VASN: variants seen among roughly 807,000 people sequenced by gnomAD.
VASN encodes the protein vasorin, also known as protein slit-like 2.
A neutral mutation model predicts 4.8 loss-of-function variants in VASN; 5 were observed. The ratio of observed to expected loss-of-function variants is 1.03; its 90% CI spans 0.54 to 2.17. VASN has a LOEUF of 2.17. Among genes scored for constraint, VASN ranks in the 30% most tolerant of loss-of-function variants. VASN has a pLI of 0.01. For missense variants in VASN, 927 were observed against 948.8 expected (o/e 0.98, Z 0.30); for synonymous variants, 499 against 460.8 (o/e 1.08, Z -1.06).
intron 1 of VASN, among the ~76,000 whole-genome samples, chr16:4,373,068 G>A (rs1323275566): frequency 6.6e-6 from 1 of 152,116 alleles, no homozygotes; most frequent in Non-Finnish European, 1.5e-5. Flanking sequence ...GGTCCATTAG[G>A]GCCAGTCCAG....
chr16:4,372,743 A>G (rs73507272), intron 1 of VASN, among the ~76,000 whole-genome samples: 14,161 of 152,166 alleles, frequency 0.093, 1,247 homozygotes, highest in African/African-American at 0.23. Context: ...ATTGGTGCCA[A>G]CCATTCTGCC....
intron 1 of VASN, among the ~76,000 whole-genome samples, chr16:4,375,529 C>A (rs1403697337): frequency 6.6e-6 from 1 of 152,196 alleles, no homozygotes; most frequent in Admixed American, 6.5e-5. Context: ...GCTCTGTCAC[C>A]CAGGCTGGAG....
Position 4,381,532 on chromosome 16 carries a change from C to A in VASN, c.655C>A (p.His219Asn), listed in dbSNP as rs1043490243. 2 of 1,603,552 alleles carry A rather than the reference C, an allele frequency of 1.2e-6. No homozygotes were observed. The highest frequency in any genetic ancestry group is 1.7e-6 in the Non-Finnish European group (2 of 1,176,072). The change falls in exon 2 of 2, where the codon CAC becomes AAC. Residue 219 changes from histidine to asparagine, a missense_variant. His to Asn is a moderately conservative substitution (Grantham distance 68, BLOSUM62 1). Transcript: ENST00000304735. ...EGLFSRLRNL[H>N]DLDVSDNQLE... ...GCTCTTCAGCCGCTTGCGCAACCTC[C>A]ACGACCTGGATGTGTCCGACAACCA...
rs575571832 is a variant in VASN, at chr16:4,379,453, G to A, written c.-9-1416G>A. Among the ~76,000 whole-genome samples, 396 of 152,110 alleles carry A rather than the reference G, an allele frequency of 2.6e-3. 5 individuals carry two copies. The highest frequency in any genetic ancestry group is 9.0e-3 in the African/African-American group (374 of 41,486). The stretch of plus-strand genomic sequence containing the variant: ...CCTGGAGCGGCTGGTGGGAGCCCCC[G>A]CCCCCAGGGCCATCTGGAGGGCACG... On this transcript the variant is annotated intron_variant, in intron 1 of 1. Coordinates refer to ENST00000304735, the MANE Select transcript of VASN (RefSeq NM_138440.3).
At chr16:4,380,081 T>A (rs1224982410) in intron 1 of VASN, among the ~76,000 whole-genome samples, 2 of 147,380 alleles carry the variant, frequency 1.4e-5, no homozygotes, top group Non-Finnish European at 3.0e-5. Context: ...AAAAAGTAGA[T>A]GAATGACTCT....
rs372975411 is a variant in VASN at position 4,382,247 on chromosome 16, C to T, written c.1370C>T (p.Thr457Met). The change falls in exon 2 of 2, where the codon ACG becomes ATG. Residue 457 changes from threonine (T) to methionine (M), a missense_variant. Thr to Met is a moderately conservative substitution (Grantham distance 81, BLOSUM62 -1). Coordinates refer to ENST00000304735, the MANE Select transcript of VASN (RefSeq NM_138440.3). ...QGTRPSPTPV[T>M]PRPPRSLTLG... ...ACACGGCCCAGCCCTACACCAGTCA[C>T]GCCGAGGCCACCACGGTCCCTGACC... The T allele has an allele frequency of 1.4e-5, 22 of 1,607,546 alleles. No homozygotes were observed. Among genetic ancestry groups the T allele is most frequent in the Admixed American group, 1.0e-4 (6 of 59,546 alleles).
rs2055005248 is a variant in VASN, at chr16:4,382,195, T to A, written c.1318T>A (p.Tyr440Asn). 6.2e-7 allele frequency: 1 copy of A among 1,602,062 alleles called. No homozygotes were observed. The highest frequency in any genetic ancestry group is 1.3e-5 in the African/African-American group (1 of 74,742). The change falls in exon 2 of 2, where the codon TAC becomes AAC. Residue 440 changes from tyrosine (Y) to asparagine (N), a missense_variant. Coordinates refer to ENST00000304735, the MANE Select transcript of VASN (RefSeq NM_138440.3). ...CLCPEGFTGL[Y>N]CESQMGQGTR... ...GTGCCCCGAAGGCTTCACGGGCCTG[T>A]ACTGTGAGAGCCAGATGGGGCAGGG...
At chr16:4,378,101 C>T (rs748319703) in intron 1 of VASN, among the ~76,000 whole-genome samples, 16 of 152,298 alleles carry the variant, frequency 1.1e-4, no homozygotes, top group Non-Finnish European at 1.5e-4. Context: ...CCCCCCAGCA[C>T]GTGCCCCTAA....
rs2055059949 is a variant in VASN at position 4,383,089 on chromosome 16, C to A, written c.*190C>A. The A allele has an allele frequency of 1.6e-6, 1 of 639,758 alleles. No individual in the cohort carries two copies. The highest frequency in any genetic ancestry group is 2.6e-6 in the Non-Finnish European group (1 of 388,334). The allele number at this position is 639,758 out of a possible 1,614,324, so 39.6% of individuals were successfully genotyped here. ...TCATCTGTGAGATGCTGTGGCCCAG[C>A]TGACGAGCCCTAACGTCCCCAGAAC... On this transcript the variant is annotated 3_prime_UTR_variant, in exon 2 of 2. Transcript: ENST00000304735.
In VASN at chr16:4,381,256, G is replaced by A. The variant is rs751733383; in HGVS notation, c.379G>A (p.Glu127Lys). ...GACCTTCCGTGGCCTGCGGCGCCTC[G>A]AGCGCCTCTACCTGGGCAAGAACCG... The part of the protein sequence containing the change: ...NETFRGLRRL[E>K]RLYLGKNRIR... The change falls in exon 2 of 2, where the codon GAG becomes AAG. Residue 127 changes from glutamate to lysine, a missense_variant. Coordinates refer to ENST00000304735, the MANE Select transcript of VASN (RefSeq NM_138440.3). 19 of 1,611,468 alleles carry A rather than the reference G, an allele frequency of 1.2e-5. No individual in the cohort carries two copies. The highest frequency in any genetic ancestry group is 8.3e-5 in the Admixed American group (5 of 59,892).
chr16:4,372,048 GGCTGTGCACACGC>G (rs915883075), intron 1 of VASN, 55 bp downstream of exon 1: 1 of 151,892 alleles, frequency 6.6e-6, no homozygotes, highest in African/African-American at 2.4e-5. Context: ...GCCACGGCCA[GGCTGTGCACACGC>G]GCGGGGACCG....
At position 4,382,587 on chromosome 16, in the gene VASN, C is replaced by A. The variant is rs747375274; in HGVS notation, c.1710C>A (p.Arg570=). The A allele has an allele frequency of 1.3e-5, 21 of 1,583,560 alleles. No individual in the cohort carries two copies. In the African/African-American group the frequency reaches 1.8e-4, roughly 13 times the overall value. The change falls in exon 2 of 2, where the codon CGC becomes CGA. Residue 570 remains arginine, a synonymous_variant. Transcript: ENST00000304735. ...ACCACGCCCCAGTCACCCAGGCCCG[C>A]GAGGGCAACCTGCCGCTCCTCATTG... ...HSNHAPVTQA[R]EGNLPLLIAP...
Position 4,381,789 on chromosome 16 carries a change from C to T in VASN, c.912C>T (p.Cys304=). The T allele has an allele frequency of 6.2e-7, 1 of 1,600,402 alleles. No individual in the cohort carries two copies. Among genetic ancestry groups the T allele is most frequent in the South Asian group, 1.1e-5 (1 of 90,964 alleles). Residue 304 remains cysteine (C), a synonymous_variant, in exon 2 of 2, where the codon TGC becomes TGT. Coordinates refer to ENST00000304735, the MANE Select transcript of VASN (RefSeq NM_138440.3). ...AAARNPFNCV[C]PLSWFGPWVR... ...CCCGCAACCCCTTCAACTGCGTGTG[C>T]CCCCTGAGCTGGTTTGGCCCCTGGG...
rs549677726 is a variant in VASN at position 4,375,249 on chromosome 16, C to T, written c.-10+3256C>T. Among the ~76,000 whole-genome samples, 8 of 152,230 alleles carry T rather than the reference C, an allele frequency of 5.3e-5. 1 individual carries two copies. The South Asian group carries it at 1.2e-3, about 24-fold the overall frequency. On this transcript the variant is annotated intron_variant, in intron 1 of 1. Transcript: ENST00000304735. Reference sequence around the variant, plus strand: ...GCTACTGAAGGCACCCACCTGGGGCCGGGCCAGCCTCCTGGGTGGAGGGAG... The same window carrying T: ...GCTACTGAAGGCACCCACCTGGGGCTGGGCCAGCCTCCTGGGTGGAGGGAG...
At position 4,382,503 on chromosome 16, in the gene VASN, G is replaced by A; in HGVS notation, c.1626G>A (p.Arg542=). ...SVCVMPLGPG[R]VPEGEEACGE... ...GTGTCATGCCTTTGGGGCCCGGGCG[G>A]GTGCCGGAGGGCGAGGAGGCCTGCG... The change falls in exon 2 of 2, where the codon CGG becomes CGA. Residue 542 remains arginine (R), a synonymous_variant. Transcript: ENST00000304735. 5 of 1,592,702 alleles carry A rather than the reference G, an allele frequency of 3.1e-6. No individual in the cohort carries two copies. The highest frequency in any genetic ancestry group is 4.3e-6 in the Non-Finnish European group (5 of 1,169,408).
Position 4,381,863 on chromosome 16 carries a change from A to T in VASN, c.986A>T (p.His329Leu), listed in dbSNP as rs564056884. The T allele has an allele frequency of 6.2e-7, 1 of 1,603,224 alleles. No homozygotes were observed. The highest frequency in any genetic ancestry group is 1.7e-5 in the Admixed American group (1 of 59,944). ...GCCAGCCCTGAGGAGACGCGCTGCCACTTCCCGCCCAAGAACGCTGGCCGG... is the reference window on the plus strand; with the variant it reads ...GCCAGCCCTGAGGAGACGCGCTGCCTCTTCCCGCCCAAGAACGCTGGCCGG... ...TLASPEETRC[H>L]FPPKNAGRLL... The change falls in exon 2 of 2, where the codon CAC (histidine) becomes CTC (leucine). Residue 329 changes from histidine (H) to leucine (L), a missense_variant. Physicochemically the swap from His to Leu is moderately conservative, Grantham distance 99. Transcript: ENST00000304735.
At chr16:4,373,234 G>C (rs900959346) in intron 1 of VASN, among the ~76,000 whole-genome samples, 1 of 152,168 alleles carries the variant, frequency 6.6e-6, no homozygotes, top group South Asian at 2.1e-4. Context: ...GAGGCAGGAA[G>C]AGGCTCTGGT....
At chr16:4,377,251 C>T (rs1262643070) in intron 1 of VASN, among the ~76,000 whole-genome samples, 1 of 152,046 alleles carries the variant, frequency 6.6e-6, no homozygotes, top group Non-Finnish European at 1.5e-5. Flanking sequence ...AATCCCAGGG[C>T]TGCCTCCGGA....
At chr16:4,372,234 C>A (rs1478272873) in intron 1 of VASN, among the ~76,000 whole-genome samples, 2 of 152,156 alleles carry the variant, frequency 1.3e-5, no homozygotes, top group East Asian at 3.9e-4. Flanking sequence ...GTGCGGTGAG[C>A]CCGCGAGGCT....
Sources: allele counts gnomAD v4.1 joint callset (sites outside exome capture counted in the v4.1 genomes callset), GRCh38; gene constraint gnomAD v4.1.1; transcripts MANE v1.5; gene names NCBI Gene and HGNC (gene_info 2026-07-23, HGNC 2026-07-21).